SLC22A24: variants seen among roughly 807,000 people sequenced by gnomAD.
The protein encoded by SLC22A24 is steroid transmembrane transporter SLC22A24.
SLC22A24 carries 53 observed loss-of-function variants against 49.8 expected under a neutral mutation model. The ratio of observed to expected loss-of-function variants is 1.06; its 90% CI spans 0.85 to 1.34. The LOEUF is 1.34. SLC22A24 is among the 40% of genes most tolerant of loss of function. The pLI is 0.00. For missense variants in SLC22A24, 786 were observed against 675.9 expected, an observed-to-expected ratio of 1.16 and a Z score of -1.81; for synonymous variants, 302 against 256.4, an observed-to-expected ratio of 1.18 and a Z score of -1.70.
chr11:63,095,738 A>G (rs2087050229), intron 6 of SLC22A24, among the ~76,000 whole-genome samples: 1 of 152,204 alleles, frequency 6.6e-6, no homozygotes, highest in African/African-American at 2.4e-5. Flanking sequence ...ACTTACTATC[A>G]CCATAATATC....
chr11:63,118,919 A>C lies in SLC22A24; in HGVS notation c.823T>G (p.Ser275Ala). The part of the protein sequence containing the change: ...VSTPIIVLFL[S>A]SWKMVESARW... ...TGTGGAGATTGTTCATACCAAGAGG[A>C]CAAGAAGAGGACAATTATGGGTGTA... The change falls in exon 4 of 10, where the codon TCC (serine) becomes GCC (alanine). Residue 275 changes from serine (S) to alanine (A), a missense_variant. Transcript: ENST00000612278. 6.4e-7 allele frequency: 1 copy of C among 1,552,086 alleles called. No homozygotes were observed. The highest frequency in any genetic ancestry group is 8.7e-7 in the Non-Finnish European group (1 of 1,147,040).
chr11:63,104,345 G>A lies in SLC22A24; in HGVS notation c.831-47C>T, dbSNP rs372313497. 8.0e-6 allele frequency: 12 copies of A among 1,498,096 alleles called. No homozygotes were observed. In the African/African-American group the frequency reaches 1.1e-4, roughly 14 times the overall value. 92.8% of individuals were successfully genotyped at this position (1,498,096 alleles called of 1,614,324 possible). ...GGTATAGTAAACAATTACTTATTTG[G>A]CACTTAACCTTTAACATGAAATTCC... On this transcript the variant is annotated intron_variant, in intron 4 of 9. Coordinates refer to ENST00000612278, the MANE Select transcript of SLC22A24 (RefSeq NM_001136506.2).
chr11:63,094,698 T>C (rs538914719), intron 6 of SLC22A24, among the ~76,000 whole-genome samples: 31 of 152,304 alleles, frequency 2.0e-4, no homozygotes, highest in African/African-American at 7.0e-4. Context: ...TGGTATCTCA[T>C]TGTGGTTTTG....
At chr11:63,106,547 A>G (rs61105528) in intron 4 of SLC22A24, among the ~76,000 whole-genome samples, 3,965 of 152,234 alleles carry the variant, frequency 0.026, 146 homozygotes, top group African/African-American at 0.089. Flanking sequence ...TTCCACTAAC[A>G]GTGTAAAAGT....
chr11:63,089,909 G>A (rs983850252), intron 6 of SLC22A24, among the ~76,000 whole-genome samples: 13 of 151,580 alleles, frequency 8.6e-5, no homozygotes, highest in South Asian at 4.2e-4. Context: ...GTGAAACCCC[G>A]TCTCTACTAA....
At chr11:63,095,663 G>A (rs1012409238) in intron 6 of SLC22A24, among the ~76,000 whole-genome samples, 1 of 152,098 alleles carries the variant, frequency 6.6e-6, no homozygotes, top group Non-Finnish European at 1.5e-5. Context: ...ACAGCCAGTT[G>A]ATGTAACTTC....
At chr11:63,141,709 C>G (rs746342923) in intron 1 of SLC22A24, among the ~76,000 whole-genome samples, 6 of 152,208 alleles carry the variant, frequency 3.9e-5, no homozygotes, top group Admixed American at 6.5e-5. Flanking sequence ...TTTTAAAAAG[C>G]CTTATCTGAG....
At chr11:63,108,478 T>C (rs573832730) in intron 4 of SLC22A24, among the ~76,000 whole-genome samples, 2 of 152,208 alleles carry the variant, frequency 1.3e-5, no homozygotes, top group African/African-American at 4.8e-5. Flanking sequence ...CCTCTCTTTC[T>C]GTTTTTTATA....
In SLC22A24 at chr11:63,096,035, A is replaced by G; in HGVS notation, c.1026T>C (p.Arg342=). 6.4e-7 allele frequency: 1 copy of G among 1,551,012 alleles called. No homozygotes were observed. Among genetic ancestry groups the G allele is most frequent in the Non-Finnish European group, 8.7e-7 (1 of 1,146,476 alleles). ...RIKTSIFSLF[R]APKLRMRVFG... ...AGACTCTCATTCGCAATTTGGGTGC[A>G]CGGAACAGGGAAAAAATGGATGTTT... is the stretch of plus-strand genomic sequence containing the variant. The change falls in exon 6 of 10, where the codon CGT becomes CGC. Residue 342 remains arginine (R), a synonymous_variant. Coordinates refer to ENST00000612278, the MANE Select transcript of SLC22A24 (RefSeq NM_001136506.2).
Position 63,143,801 on chromosome 11 carries a change from C to G in SLC22A24, c.-22G>C. On this transcript the variant is annotated 5_prime_UTR_variant, in exon 1 of 10. Transcript: ENST00000612278. ...CCATTGAGACTGAACAGGTGATCCC[C>G]AAGAGGAAGCACAATGACTTTATGA... 1.5e-6 allele frequency: 2 copies of G among 1,341,608 alleles called. No homozygotes were observed. The highest frequency in any genetic ancestry group is 1.9e-6 in the Non-Finnish European group (2 of 1,041,828). The allele number at this position is 1,341,608 out of a possible 1,614,324, so 83.1% of individuals were successfully genotyped here. A position where few individuals can be genotyped will look rare whatever the true frequency, so the allele number is the denominator to read the frequency against.
intron 8 of SLC22A24, 118 bp from the exon 9 acceptor site, chr11:63,081,241 G>T: frequency 1.2e-6 from 1 of 834,010 alleles, no homozygotes; most frequent in Non-Finnish European, 1.9e-6. Flanking sequence ...CATGGGCTTT[G>T]ACAGCAAGCC....
At chr11:63,124,570 T>G (rs1469367906) in intron 2 of SLC22A24, among the ~76,000 whole-genome samples, 1 of 152,230 alleles carries the variant, frequency 6.6e-6, no homozygotes, top group Non-Finnish European at 1.5e-5. Context: ...CCCTTCACTA[T>G]TTTAGATGTT....
chr11:63,143,278 G>T, intron 1 of SLC22A24, 100 bp downstream of exon 1: 2 of 1,000,960 alleles, frequency 2.0e-6, no homozygotes, highest in Non-Finnish European at 2.7e-6. Context: ...CTGACTGCAG[G>T]TCCCATCTAA....
intron 4 of SLC22A24, among the ~76,000 whole-genome samples, chr11:63,113,958 G>A (rs1033358122): frequency 7.3e-5 from 11 of 150,650 alleles, no homozygotes; most frequent in Non-Finnish European, 1.3e-4. Context: ...GCTTCCTTTT[G>A]TGGGTAACCC....
intron 4 of SLC22A24, among the ~76,000 whole-genome samples, chr11:63,107,057 G>C (rs545864357): frequency 6.6e-6 from 1 of 152,250 alleles, no homozygotes; most frequent in East Asian, 1.9e-4. Flanking sequence ...GGTTTTTATG[G>C]TTTTAGATCT....
chr11:63,143,987 AG>A lies in SLC22A24; in HGVS notation c.-209del, dbSNP rs1310633649. The A allele has an allele frequency of 7.7e-6, 3 of 390,404 alleles. No individual in the cohort carries two copies. Among genetic ancestry groups the A allele is most frequent in the Admixed American group, 9.0e-5 (2 of 22,308 alleles). 24.2% of individuals were successfully genotyped at this position (390,404 alleles called of 1,614,324 possible). On this transcript the variant is annotated 5_prime_UTR_variant, in exon 1 of 10. Coordinates refer to ENST00000612278, the MANE Select transcript of SLC22A24 (RefSeq NM_001136506.2). ...TTCCCCAAGTCCTTTAACTTTAGGC[AG>A]CCAAATAGTTTCAGAAGTCACAGAT... is the stretch of plus-strand genomic sequence containing the variant.
At chr11:63,086,338 T>C (rs749403861) in intron 6 of SLC22A24, among the ~76,000 whole-genome samples, 64 of 152,178 alleles carry the variant, frequency 4.2e-4, no homozygotes, top group Non-Finnish European at 6.6e-4. Flanking sequence ...ACATACACCA[T>C]GGAATACTAT....
At chr11:63,109,514 T>C (rs2087146888) in intron 4 of SLC22A24, among the ~76,000 whole-genome samples, 30 of 140,918 alleles carry the variant, frequency 2.1e-4, no homozygotes, top group South Asian at 5.1e-4. Flanking sequence ...ACCTGTTGTT[T>C]CCTGACTTTT....
In SLC22A24 at chr11:63,089,120, T is replaced by C. The variant is rs541225425; in HGVS notation, c.1071-5663A>G. Among the ~76,000 whole-genome samples, 115 of 152,162 alleles carry C rather than the reference T, an allele frequency of 7.6e-4. 2 individuals are homozygous for C. Among genetic ancestry groups the C allele is most frequent in the Non-Finnish European group, 2.5e-4 (17 of 68,014 alleles). Reference sequence around the variant, plus strand: ...GAAGAGCAAACCCCAAGACACATAATTGTCAGATTCTCCAAGATTGAAACA... The same window carrying C: ...GAAGAGCAAACCCCAAGACACATAACTGTCAGATTCTCCAAGATTGAAACA... On this transcript the variant is annotated intron_variant, in intron 6 of 9. Transcript: ENST00000612278.
Sources: allele counts gnomAD v4.1 joint callset (sites outside exome capture counted in the v4.1 genomes callset), GRCh38; gene constraint gnomAD v4.1.1; transcripts MANE v1.5; gene names NCBI Gene and HGNC (gene_info 2026-07-23, HGNC 2026-07-21).